ITCH: variants seen among roughly 807,000 people sequenced by gnomAD.
The protein encoded by ITCH is E3 ubiquitin-protein ligase Itchy homolog.
ITCH carries 28 observed loss-of-function variants against 126.8 expected under a neutral mutation model. That is an observed-to-expected ratio of 0.22 (90% CI 0.16 to 0.30). The LOEUF is 0.30. ITCH is among the 10% of genes least tolerant of loss of function. ITCH has a pLI of 1.00. For synonymous variants in ITCH, 342 were observed against 340.0 expected (o/e 1.01, Z -0.06); for missense variants, 631 against 1,032.4 (o/e 0.61, Z 5.33).
At chr20:34,379,087 C>T (rs538708808) in intron 2 of ITCH, among the ~76,000 whole-genome samples, 2 of 152,202 alleles carry the variant, frequency 1.3e-5, no homozygotes, top group Non-Finnish European at 2.9e-5. Flanking sequence ...TGCTGTTTTT[C>T]GTTACCCAGA....
At chr20:34,458,274 G>T (rs111244737) in intron 13 of ITCH, among the ~76,000 whole-genome samples, 126 of 152,230 alleles carry the variant, frequency 8.3e-4, no homozygotes, top group African/African-American at 2.9e-3. Context: ...TGTTGTTGCA[G>T]ATATCTCTAA....
intron 10 of ITCH, among the ~76,000 whole-genome samples, chr20:34,443,447 C>T (rs993873449): frequency 6.6e-6 from 1 of 151,466 alleles, no homozygotes; most frequent in Non-Finnish European, 1.5e-5. Flanking sequence ...GGTGGAGGTG[C>T]AGTGAGCTGA....
At chr20:34,458,819 G>A (rs1351230962) in intron 13 of ITCH, among the ~76,000 whole-genome samples, 2 of 152,174 alleles carry the variant, frequency 1.3e-5, no homozygotes, top group Non-Finnish European at 2.9e-5. Flanking sequence ...CAGTACTTCA[G>A]TATGACCTCA....
intron 16 of ITCH, among the ~76,000 whole-genome samples, chr20:34,475,101 G>A (rs1231460001): frequency 1.1e-4 from 16 of 151,716 alleles, no homozygotes; most frequent in Non-Finnish European, 1.5e-4. Flanking sequence ...ATGTGATGGC[G>A]GCCGGGAAGA....
chr20:34,504,705 A>C (rs1251988705), intron 24 of ITCH, among the ~76,000 whole-genome samples: 1 of 152,212 alleles, frequency 6.6e-6, no homozygotes, highest in African/African-American at 2.4e-5. Context: ...GACCACAAAT[A>C]TTCTCATTTG....
chr20:34,410,658 A>G (rs1358712238), intron 4 of ITCH, among the ~76,000 whole-genome samples: 1 of 152,182 alleles, frequency 6.6e-6, no homozygotes, highest in Non-Finnish European at 1.5e-5. Context: ...GAGATTAACC[A>G]GGGCAAAGTA....
chr20:34,425,921 A>G (rs1265130054), intron 7 of ITCH, among the ~76,000 whole-genome samples: 1 of 152,162 alleles, frequency 6.6e-6, no homozygotes, highest in Non-Finnish European at 1.5e-5. Context: ...TCTGTGTCTT[A>G]TTTCTTTTCT....
chr20:34,441,245 C>T (rs1037726572), intron 9 of ITCH, among the ~76,000 whole-genome samples: 17 of 152,078 alleles, frequency 1.1e-4, no homozygotes, highest in Admixed American at 1.1e-3. Flanking sequence ...GCACTCCAGC[C>T]TGGGCAACAA....
At position 34,460,252 on chromosome 20, in the gene ITCH, G is replaced by T. The variant is rs184129876; in HGVS notation, c.1296-1841G>T. ...CACCCAGGCTGGAGTGAAGTGACAT[G>T]ATCATGGCTTGCTGCAGCCTTGACC... is the stretch of plus-strand genomic sequence containing the variant. On this transcript the variant is annotated intron_variant, in intron 13 of 24. Coordinates refer to ENST00000374864, the MANE Select transcript of ITCH (RefSeq NM_031483.7). 2.0e-5 allele frequency among the ~76,000 whole-genome samples: 3 copies of T among 151,734 alleles called. No homozygotes were observed. In the East Asian group the frequency reaches 5.8e-4, roughly 29 times the overall value.
In ITCH at chr20:34,445,263, T is replaced by TG. The variant is rs769203518; in HGVS notation, c.966-24_966-23insG. 6.4e-6 allele frequency: 10 copies of TG among 1,556,994 alleles called. No individual in the cohort carries two copies. The South Asian group carries it at 1.0e-4, about 16-fold the overall frequency. ...CAAGTATTTGTTGAATTAGCTTGTT[T>TG]TTTTTTTTTTTTTTCTGATTTAGCT... On this transcript the variant is annotated intron_variant, in intron 10 of 24. Transcript: ENST00000374864.
At chr20:34,389,411 T>C (rs536636339) in intron 2 of ITCH, among the ~76,000 whole-genome samples, 17 of 152,230 alleles carry the variant, frequency 1.1e-4, no homozygotes, top group African/African-American at 2.6e-4. Context: ...ATTAGAATTA[T>C]AAAAATTGAT....
intron 18 of ITCH, 132 bp downstream of exon 18, chr20:34,479,921 C>CA (rs1956304858): frequency 1.2e-6 from 1 of 825,648 alleles, no homozygotes; most frequent in Non-Finnish European, 2.0e-6. Context: ...ATTTTTGAGA[C>CA]AGAGTCTTGC....
At chr20:34,473,085 C>CA (rs1987802106) in intron 16 of ITCH, among the ~76,000 whole-genome samples, 1 of 152,182 alleles carries the variant, frequency 6.6e-6, no homozygotes, top group South Asian at 2.1e-4. Context: ...CTAGATTTGA[C>CA]ATCCATCAAA....
intron 6 of ITCH, chr20:34,417,272 T>A (rs1432895442): frequency 3.9e-6 from 2 of 509,098 alleles, no homozygotes; most frequent in African/African-American, 4.0e-5. Flanking sequence ...AATTTTGTAT[T>A]TTTTAGTAGA....
At chr20:34,445,127 A>C (rs2146305137) in intron 10 of ITCH, among the ~76,000 whole-genome samples, 160 bp from the exon 11 acceptor site, 1 of 152,338 alleles carries the variant, frequency 6.6e-6, no homozygotes, top group South Asian at 2.1e-4. Flanking sequence ...TCAAGAAATA[A>C]ATTTTTAGAA....
intron 2 of ITCH, among the ~76,000 whole-genome samples, chr20:34,370,105 G>GA (rs944960345): frequency 1.9e-3 from 218 of 117,704 alleles, no homozygotes; most frequent in East Asian, 3.8e-3. Context: ...CCCTGTCTCG[G>GA]AAAAAAAAAA....
At chr20:34,364,375 C>T (rs2122929663) in intron 1 of ITCH, among the ~76,000 whole-genome samples, 1 of 151,724 alleles carries the variant, frequency 6.6e-6, no homozygotes, top group East Asian at 1.9e-4. Context: ...TTAGTAAGAC[C>T]CTGGAGCCAG....
At chr20:34,493,601 T>TA in intron 23 of ITCH, among the ~76,000 whole-genome samples, 1 of 152,060 alleles carries the variant, frequency 6.6e-6, no homozygotes, top group South Asian at 2.1e-4. Flanking sequence ...AAGAGAGGGG[T>TA]ATCAGCAATA....
intron 3 of ITCH, among the ~76,000 whole-genome samples, chr20:34,398,874 AAGAC>A (rs1306820665): frequency 1.6e-4 from 24 of 152,184 alleles, no homozygotes; most frequent in African/African-American, 5.8e-4. Flanking sequence ...CATAAGATAA[AAGAC>A]AGAAGTGCCA....
Sources: allele counts gnomAD v4.1 joint callset (sites outside exome capture counted in the v4.1 genomes callset), GRCh38; gene constraint gnomAD v4.1.1; transcripts MANE v1.5; gene names NCBI Gene and HGNC (gene_info 2026-07-23, HGNC 2026-07-21).